Variants in SLC39A11 observed in about 807,000 individuals in gnomAD.
SLC39A11 encodes zinc transporter ZIP11.
Under a neutral mutation model 36.1 loss-of-function variants are expected in SLC39A11, and 33 were observed. That is an observed-to-expected ratio of 0.91 (90% CI 0.69 to 1.22). The LOEUF (loss-of-function observed/expected upper bound fraction) is 1.22, where lower values mean the gene tolerates loss of function less well. Among genes scored for constraint, SLC39A11 ranks in the 50% most tolerant of loss-of-function variants. SLC39A11 has a pLI of 0.00. For missense variants in SLC39A11, 432 were observed against 430.3 expected, an observed-to-expected ratio of 1.00 and a Z score of -0.03; for synonymous variants, 166 against 170.3, an observed-to-expected ratio of 0.97 and a Z score of 0.20.
intron 5 of SLC39A11, among the ~76,000 whole-genome samples, chr17:72,918,833 T>A (rs1215379676): frequency 1.3e-5 from 2 of 152,026 alleles, no homozygotes; most frequent in Non-Finnish European, 2.9e-5. Context: ...GGGGTTGAGG[T>A]GGGTAGATCA....
intron 5 of SLC39A11, among the ~76,000 whole-genome samples, chr17:72,866,240 G>C (rs1399473096): frequency 2.0e-5 from 3 of 152,166 alleles, no homozygotes; most frequent in African/African-American, 7.2e-5. Context: ...GCATATGTGA[G>C]GGATCTAGGT....
chr17:72,869,466 T>C (rs1371139456), intron 5 of SLC39A11, among the ~76,000 whole-genome samples: 1 of 152,224 alleles, frequency 6.6e-6, no homozygotes. Flanking sequence ...CTTGGCTCAC[T>C]GCAACCTCTG....
intron 6 of SLC39A11, among the ~76,000 whole-genome samples, chr17:72,797,045 T>C (rs1334740570): frequency 6.6e-6 from 1 of 152,134 alleles, no homozygotes; most frequent in African/African-American, 2.4e-5. Context: ...ACTTCGTGAT[T>C]CCTGCAACAG....
intron 3 of SLC39A11, among the ~76,000 whole-genome samples, chr17:73,050,639 T>C (rs1197468246): frequency 6.6e-6 from 1 of 151,978 alleles, no homozygotes; most frequent in Non-Finnish European, 1.5e-5. Context: ...AATTTTTATA[T>C]TTTTTACTAG....
intron 7 of SLC39A11, among the ~76,000 whole-genome samples, chr17:72,675,798 G>A (rs1003498863): frequency 4.6e-5 from 7 of 152,122 alleles, no homozygotes; most frequent in African/African-American, 7.2e-5. Context: ...ATTCTCCTGC[G>A]TCAGCCTCCT....
intron 5 of SLC39A11, among the ~76,000 whole-genome samples, chr17:72,896,266 A>G (rs1431327865): frequency 7.6e-6 from 1 of 132,006 alleles, no homozygotes; most frequent in Non-Finnish European, 1.5e-5. Flanking sequence ...CAGTGGTGCA[A>G]TCTTGGCTCA....
intron 6 of SLC39A11, among the ~76,000 whole-genome samples, chr17:72,737,539 A>G (rs990428797): frequency 6.6e-6 from 1 of 152,196 alleles, no homozygotes; most frequent in African/African-American, 2.4e-5. Context: ...CAAGGTTGAT[A>G]CAGCAGCCCA....
At chr17:72,994,963 C>A (rs760902528) in intron 4 of SLC39A11, among the ~76,000 whole-genome samples, 1 of 152,184 alleles carries the variant, frequency 6.6e-6, no homozygotes, top group Non-Finnish European at 1.5e-5. Context: ...TTAGGTAAGA[C>A]CCTGCCCTAA....
chr17:72,814,072 A>T (rs961868130), intron 6 of SLC39A11, among the ~76,000 whole-genome samples: 6 of 152,228 alleles, frequency 3.9e-5, no homozygotes, highest in Non-Finnish European at 8.8e-5. Flanking sequence ...ACAACACGGC[A>T]TGTCTAATAC....
At chr17:72,870,241 C>T (rs1040091494) in intron 5 of SLC39A11, among the ~76,000 whole-genome samples, 1 of 152,070 alleles carries the variant, frequency 6.6e-6, no homozygotes, top group South Asian at 2.1e-4. Flanking sequence ...GTTTCTATGC[C>T]AATCCATGCT....
At chr17:72,866,473 C>A (rs1173795979) in intron 5 of SLC39A11, among the ~76,000 whole-genome samples, 1 of 152,054 alleles carries the variant, frequency 6.6e-6, no homozygotes, top group East Asian at 1.9e-4. Context: ...CCCCCACAAC[C>A]CCCAGGTCTT....
At chr17:72,841,201 T>C (rs1433775413) in intron 6 of SLC39A11, among the ~76,000 whole-genome samples, 1 of 152,240 alleles carries the variant, frequency 6.6e-6, no homozygotes, top group East Asian at 1.9e-4. Flanking sequence ...CAGTATGTGT[T>C]ATAACATTGG....
In SLC39A11 at chr17:72,717,018, C is replaced by T. The variant is rs1198799731; in HGVS notation, c.671+19632G>A. On this transcript the variant is annotated intron_variant, in intron 7 of 9. Transcript: ENST00000255559. ...ACACACACACACACACACACACACA[C>T]ACACACATATACACATATAAAATAT... 6.7e-3 allele frequency among the ~76,000 whole-genome samples: 967 copies of T among 145,380 alleles called. 10 individuals carry two copies. Among genetic ancestry groups the T allele is most frequent in the African/African-American group, 0.024 (903 of 38,424 alleles).
chr17:72,828,681 TG>T (rs961712215), intron 6 of SLC39A11, among the ~76,000 whole-genome samples: 31 of 152,276 alleles, frequency 2.0e-4, no homozygotes, highest in Non-Finnish European at 3.2e-4. Flanking sequence ...CTGTGGGCCA[TG>T]GGTGCCCCCG....
intron 3 of SLC39A11, among the ~76,000 whole-genome samples, chr17:73,051,447 T>A (rs963882334): frequency 6.6e-6 from 1 of 151,934 alleles, no homozygotes; most frequent in Non-Finnish European, 1.5e-5. Flanking sequence ...GGAATCCAGA[T>A]GACTCAGGTT....
intron 5 of SLC39A11, among the ~76,000 whole-genome samples, chr17:72,920,042 TC>T (rs1474073006): frequency 3.9e-5 from 6 of 152,160 alleles, no homozygotes; most frequent in Non-Finnish European, 7.4e-5. Context: ...TTCAATAGAT[TC>T]GGCTGGTGTG....
chr17:72,658,397 A>G (rs886276934), intron 7 of SLC39A11, among the ~76,000 whole-genome samples: 2 of 152,168 alleles, frequency 1.3e-5, no homozygotes, highest in African/African-American at 4.8e-5. Context: ...CCCTCCTCGT[A>G]TCTTCAGGGA....
intron 6 of SLC39A11, among the ~76,000 whole-genome samples, chr17:72,743,716 G>T (rs1002141868): frequency 6.6e-5 from 10 of 152,150 alleles, no homozygotes; most frequent in African/African-American, 2.2e-4. Flanking sequence ...GGCCGACACT[G>T]AAGATCAACA....
At chr17:72,865,507 C>T (rs1231252891) in intron 5 of SLC39A11, among the ~76,000 whole-genome samples, 1 of 148,180 alleles carries the variant, frequency 6.7e-6, no homozygotes, top group African/African-American at 2.5e-5. Flanking sequence ...CCACCATAAA[C>T]ATCAACATAA....
Sources: allele counts gnomAD v4.1 joint callset (sites outside exome capture counted in the v4.1 genomes callset), GRCh38; gene constraint gnomAD v4.1.1; transcripts MANE v1.5; gene names NCBI Gene and HGNC (gene_info 2026-07-23, HGNC 2026-07-21).